Variants in FAM20B observed in about 807,000 individuals in gnomAD.
The protein encoded by FAM20B is glycosaminoglycan xylosylkinase.
A neutral mutation model predicts 43.8 loss-of-function variants in FAM20B; 23 were observed. The observed-to-expected ratio is 0.53, with a 90% CI of 0.38 to 0.74. The LOEUF is 0.74. Among genes scored for constraint, FAM20B ranks in the 30% least tolerant of loss-of-function variants. The probability of loss-of-function intolerance (pLI) is 0.00; values close to 1 mark genes in which losing one functional copy is unlikely to be tolerated. For synonymous variants in FAM20B, 178 were observed against 192.4 expected (o/e 0.93, Z 0.62); for missense variants, 440 against 510.5 (o/e 0.86, Z 1.33).
chr1:179,035,110 A>G (rs1159492017), intron 1 of FAM20B, among the ~76,000 whole-genome samples: 1 of 152,180 alleles, frequency 6.6e-6, no homozygotes, highest in African/African-American at 2.4e-5. Flanking sequence ...TAAGGTAGTA[A>G]GCGTTAAGGC....
At chr1:179,057,279 A>T (rs1651261052) in intron 4 of FAM20B, among the ~76,000 whole-genome samples, 1 of 152,138 alleles carries the variant, frequency 6.6e-6, no homozygotes, top group Non-Finnish European at 1.5e-5. Flanking sequence ...CAGGAGACAG[A>T]GGTTGCAGTA....
intron 5 of FAM20B, 53 bp from the exon 6 acceptor site, chr1:179,064,252 A>G (rs149038000): frequency 2.7e-6 from 4 of 1,490,232 alleles, no homozygotes; most frequent in South Asian, 1.2e-5. Context: ...TTTGTGTGTA[A>G]CAGTGCCAGG....
chr1:179,018,460 T>C, the FAM20B span, among the ~76,000 whole-genome samples: 1 of 151,998 alleles, frequency 6.6e-6, no homozygotes, highest in Non-Finnish European at 1.5e-5. Context: ...GTGCCCACCA[T>C]CACGCCTGGC....
At chr1:179,019,988 G>A in the FAM20B span, among the ~76,000 whole-genome samples, 1 of 152,024 alleles carries the variant, frequency 6.6e-6, no homozygotes, top group Non-Finnish European at 1.5e-5. Flanking sequence ...TTTCTCCCTG[G>A]GCTTATAGTC....
chr1:179,069,101 T>A (rs1572561599), intron 7 of FAM20B, among the ~76,000 whole-genome samples: 4 of 152,244 alleles, frequency 2.6e-5, no homozygotes, highest in Admixed American at 2.6e-4. Context: ...AGCTCTGGTT[T>A]CCATGTTGAG....
chr1:179,037,439 A>AT (rs1167697600), intron 1 of FAM20B, among the ~76,000 whole-genome samples: 1 of 138,494 alleles, frequency 7.2e-6, no homozygotes, highest in African/African-American at 2.8e-5. Context: ...CTTAATATGA[A>AT]TTTATTTCTT....
intron 3 of FAM20B, among the ~76,000 whole-genome samples, chr1:179,051,211 T>TTAC (rs1334622314): frequency 6.6e-6 from 1 of 152,070 alleles, no homozygotes; most frequent in East Asian, 1.9e-4. Context: ...TTTCAGCAGG[T>TTAC]TACTAGTCAG....
chr1:179,071,189 A>C (rs894561270), intron 7 of FAM20B, among the ~76,000 whole-genome samples: 12 of 151,860 alleles, frequency 7.9e-5, no homozygotes, highest in Non-Finnish European at 1.5e-4. Flanking sequence ...CCAGCTACTC[A>C]GGAGGCTGAG....
chr1:179,019,884 T>C, the FAM20B span, among the ~76,000 whole-genome samples: 1 of 152,206 alleles, frequency 6.6e-6, no homozygotes, highest in Non-Finnish European at 1.5e-5. Context: ...CTGTACTCCC[T>C]TGCCTGAGGG....
chr1:179,055,419 G>A (rs1651172651), intron 4 of FAM20B, among the ~76,000 whole-genome samples: 1 of 152,018 alleles, frequency 6.6e-6, no homozygotes, highest in South Asian at 2.1e-4. Flanking sequence ...TAGAGTGAGT[G>A]GATTTACATT....
intron 1 of FAM20B, among the ~76,000 whole-genome samples, chr1:179,042,466 AC>A (rs1650587226): frequency 6.6e-6 from 1 of 152,122 alleles, no homozygotes; most frequent in African/African-American, 2.4e-5. Flanking sequence ...GAACCTCAGA[AC>A]CCCAAAGAGG....
intron 4 of FAM20B, among the ~76,000 whole-genome samples, chr1:179,056,849 T>C (rs2102513323): frequency 6.6e-6 from 1 of 152,318 alleles, no homozygotes; most frequent in East Asian, 1.9e-4. Flanking sequence ...TGTATCTCAT[T>C]GTTTTAGTTT....
intron 4 of FAM20B, among the ~76,000 whole-genome samples, chr1:179,056,086 C>T (rs1304541658): frequency 2.6e-5 from 4 of 152,192 alleles, no homozygotes; most frequent in South Asian, 2.1e-4. Context: ...ATCAACATCT[C>T]ACATCACAGT....
upstream of FAM20B, among the ~76,000 whole-genome samples, chr1:179,021,753 A>G (rs1649607962): frequency 6.6e-6 from 1 of 152,178 alleles, no homozygotes; most frequent in African/African-American, 2.4e-5. Flanking sequence ...AACATCCCGT[A>G]TTACTTTTGG....
Position 179,050,299 on chromosome 1 carries a change from T to C in FAM20B, c.398T>C (p.Val133Ala). The C allele has an allele frequency of 6.2e-7, 1 of 1,613,738 alleles. No individual in the cohort carries two copies. Among genetic ancestry groups the C allele is most frequent in the East Asian group, 2.2e-5 (1 of 44,866 alleles). Residue 133 changes from valine to alanine, a missense_variant, in exon 3 of 8, where the codon GTG becomes GCG. By Grantham distance (64) the Val-to-Ala change is moderately conservative. Transcript: ENST00000263733. The stretch of plus-strand genomic sequence containing the variant: ...TGCAGGTATAGCCGAGACCATGTGG[T>C]GGAAGGGGAACCGTATGCTGGTTAT... ...KPKRYSRDHV[V>A]EGEPYAGYDR...
intron 1 of FAM20B, among the ~76,000 whole-genome samples, chr1:179,035,936 C>T (rs903077026): frequency 1.3e-5 from 2 of 152,036 alleles, no homozygotes; most frequent in African/African-American, 4.8e-5. Context: ...TCGAGACCAG[C>T]CTGCCCAACG....
At chr1:179,024,425 T>C (rs1456796625), upstream of FAM20B, among the ~76,000 whole-genome samples, 1 of 152,234 alleles carries the variant, frequency 6.6e-6, no homozygotes. Flanking sequence ...ATTTACCCTT[T>C]TGCTTTATGG....
intron 1 of FAM20B, among the ~76,000 whole-genome samples, chr1:179,030,313 AC>A (rs1253766314): frequency 3.3e-5 from 5 of 152,056 alleles, no homozygotes; most frequent in African/African-American, 4.8e-5. Flanking sequence ...AAAAAAAAAA[AC>A]AAAATAATAT....
intron 4 of FAM20B, among the ~76,000 whole-genome samples, chr1:179,060,872 A>T (rs944650264): frequency 9.9e-5 from 15 of 152,140 alleles, no homozygotes; most frequent in African/African-American, 3.6e-4. Context: ...TGCTAGCTTC[A>T]CCAACAATAT....
Sources: allele counts gnomAD v4.1 joint callset (sites outside exome capture counted in the v4.1 genomes callset), GRCh38; gene constraint gnomAD v4.1.1; transcripts MANE v1.5; gene names NCBI Gene and HGNC (gene_info 2026-07-23, HGNC 2026-07-21).